The following SGCG variants were observed in gnomAD, a reference collection of about 807,000 sequenced individuals.
SGCG encodes sarcoglycan gamma.
Under a neutral mutation model 29.3 loss-of-function variants are expected in SGCG, and 26 were observed. That is an observed-to-expected ratio of 0.89 (90% confidence interval 0.65 to 1.23). SGCG has a LOEUF of 1.23. Among genes scored for constraint, SGCG ranks in the 50% most tolerant of loss-of-function variants. The pLI is 0.00. For missense variants in SGCG, 353 were observed against 356.0 expected (o/e 0.99, Z 0.07); for synonymous variants, 145 against 129.7 (o/e 1.12, Z -0.80).
chr13:23,194,422 A>G (rs1877403678), intron 1 of SGCG, among the ~76,000 whole-genome samples: 1 of 152,200 alleles, frequency 6.6e-6, no homozygotes, highest in African/African-American at 2.4e-5. Flanking sequence ...TATAAAATAA[A>G]TTAGACAGTG....
intron 2 of SGCG, among the ~76,000 whole-genome samples, chr13:23,210,228 T>C (rs1878138846): frequency 6.6e-6 from 1 of 152,218 alleles, no homozygotes; most frequent in South Asian, 2.1e-4. Flanking sequence ...AATGAAATTA[T>C]TTTTTCATTT....
intron 2 of SGCG, among the ~76,000 whole-genome samples, chr13:23,225,119 C>T (rs1212918002): frequency 6.6e-6 from 1 of 152,176 alleles, no homozygotes; most frequent in Non-Finnish European, 1.5e-5. Flanking sequence ...TCAGCACCTT[C>T]CACCACCTCA....
intron 4 of SGCG, among the ~76,000 whole-genome samples, chr13:23,269,851 G>T: frequency 7.1e-6 from 1 of 141,546 alleles, no homozygotes; most frequent in Non-Finnish European, 1.6e-5. Context: ...TTTTTTTTTG[G>T]TTTGCTTTTT....
chr13:23,290,262 G>A lies in SGCG; in HGVS notation c.506-5153G>A, dbSNP rs187707098. On this transcript the variant is annotated intron_variant, in intron 5 of 7. Transcript: ENST00000218867. ...AAGTGCATGTCATGTCAGCTATTGG[G>A]CATGTGAGTTAGCTACTGCTCAGAG... Among the ~76,000 whole-genome samples, 18 of 152,260 alleles carry A rather than the reference G, an allele frequency of 1.2e-4. No homozygotes were observed. The East Asian group carries it at 3.3e-3, about 28-fold the overall frequency.
rs1174403532 is a variant in SGCG at position 23,234,674 on chromosome 13, T to C, written c.259T>C (p.Leu87=). 3 of 1,612,380 alleles carry C rather than the reference T, an allele frequency of 1.9e-6. No homozygotes were observed. The highest frequency in any genetic ancestry group is 2.5e-6 in the Non-Finnish European group (3 of 1,178,550). The change falls in exon 3 of 8, where the codon TTA becomes CTA. Residue 87 remains leucine, a synonymous_variant. Coordinates refer to ENST00000218867, the MANE Select transcript of SGCG (RefSeq NM_000231.3). ...GLRLEGESEF[L]FPLYAKEIHS... ...GCGCTTGGAAGGGGAATCAGAATTT[T>C]TATTCCCATTGTATGCCAAAGAAAT...
At chr13:23,191,291 C>CT (rs397941582) in intron 1 of SGCG, among the ~76,000 whole-genome samples, 4 of 151,798 alleles carry the variant, frequency 2.6e-5, no homozygotes, top group Non-Finnish European at 5.9e-5. Flanking sequence ...ACCATCTTCC[C>CT]GAGAGCTTTA....
chr13:23,295,773 G>C (rs1159877085), intron 6 of SGCG, among the ~76,000 whole-genome samples: 1 of 152,164 alleles, frequency 6.6e-6, no homozygotes, highest in Non-Finnish European at 1.5e-5. Context: ...TTTGCTAAAT[G>C]CAAGCTGGTT....
chr13:23,217,120 T>A (rs1258420680), intron 2 of SGCG, among the ~76,000 whole-genome samples: 1 of 152,172 alleles, frequency 6.6e-6, no homozygotes, highest in African/African-American at 2.4e-5. Context: ...AGACTACTGT[T>A]CCAAATATTT....
the SGCG span, among the ~76,000 whole-genome samples, chr13:23,169,052 T>A: frequency 1.3e-5 from 2 of 151,278 alleles, no homozygotes; most frequent in East Asian, 1.9e-4. Context: ...TATATATATA[T>A]AAATATATTT....
At position 23,203,786 on chromosome 13, in the gene SGCG, G is replaced by A; in HGVS notation, c.92G>A (p.Trp31Ter). The A allele has an allele frequency of 1.9e-6, 3 of 1,613,822 alleles. No individual in the cohort carries two copies. The highest frequency in any genetic ancestry group is 2.2e-5 in the South Asian group (2 of 91,068). ...QYVYKIGIYG[W>*]RKRCLYLFVL... is the part of the protein sequence containing the mutation. ...GTCTACAAAATTGGCATTTATGGCT[G>A]GAGAAAGCGCTGTCTCTACTTGTTT... The change falls in exon 2 of 8, where the codon TGG becomes TAG. Residue 31 changes from tryptophan to a stop codon, truncating the protein, a stop_gained. Coordinates refer to ENST00000218867, the MANE Select transcript of SGCG (RefSeq NM_000231.3). LOFTEE classifies it high-confidence loss of function.
the SGCG span, among the ~76,000 whole-genome samples, chr13:23,173,913 T>C: frequency 6.6e-6 from 1 of 152,064 alleles, no homozygotes; most frequent in Non-Finnish European, 1.5e-5. Flanking sequence ...GAAATGAAAA[T>C]TAGGACAGAA....
the SGCG span, among the ~76,000 whole-genome samples, chr13:23,171,539 TA>T: frequency 9.9e-5 from 15 of 152,186 alleles, no homozygotes; most frequent in Non-Finnish European, 1.8e-4. Flanking sequence ...AAGGAGGCTA[TA>T]AGGCATCTGC....
intron 4 of SGCG, chr13:23,268,114 C>G (rs775263731): frequency 6.5e-6 from 1 of 153,380 alleles, no homozygotes; most frequent in Non-Finnish European, 1.5e-5. Flanking sequence ...GGAACCTAAT[C>G]TCCAGATTGG....
chr13:23,175,639 A>T, the SGCG span, among the ~76,000 whole-genome samples: 2 of 152,008 alleles, frequency 1.3e-5, no homozygotes, highest in Admixed American at 1.3e-4. Context: ...CTTACACCTA[A>T]TTTCTCCAGC....
intron 6 of SGCG, among the ~76,000 whole-genome samples, chr13:23,298,819 G>T (rs1882009439): frequency 6.6e-6 from 1 of 152,084 alleles, no homozygotes; most frequent in Non-Finnish European, 1.5e-5. Context: ...TGTATATACG[G>T]CAGGCTCTTA....
At chr13:23,206,919 C>G (rs1278614009) in intron 2 of SGCG, among the ~76,000 whole-genome samples, 2 of 152,128 alleles carry the variant, frequency 1.3e-5, no homozygotes, top group South Asian at 4.1e-4. Context: ...CAGTGCAATT[C>G]CCATCAAAAT....
Position 23,203,891 on chromosome 13 carries a change from T to C in SGCG, c.195+2T>C. 1 of 1,581,860 alleles carries C rather than the reference T, an allele frequency of 6.3e-7. No homozygotes were observed. The highest frequency in any genetic ancestry group is 8.7e-7 in the Non-Finnish European group (1 of 1,150,610). On this transcript the variant is annotated splice_donor_variant, in intron 2 of 7. Coordinates refer to ENST00000218867, the MANE Select transcript of SGCG (RefSeq NM_000231.3). LOFTEE classifies it high-confidence loss of function. ...CTTAAAGTGATGTGGTTTTCTCCAG[T>C]AAGTATCATTATTTTCTGGTAAGCA... is the stretch of plus-strand genomic sequence containing the variant.
chr13:23,164,579 A>G, the SGCG span, among the ~76,000 whole-genome samples: 1 of 152,204 alleles, frequency 6.6e-6, no homozygotes, highest in Admixed American at 6.5e-5. Context: ...GAAGCATGGC[A>G]CCAGCATCTG....
intron 5 of SGCG, 136 bp downstream of exon 5, chr13:23,279,614 A>G (rs1020403116): frequency 1.4e-5 from 12 of 835,364 alleles, no homozygotes; most frequent in Non-Finnish European, 2.1e-5. Flanking sequence ...TCTCCATTGC[A>G]TTTCTGTTGA....
Sources: gnomAD v4.1 joint callset for allele counts (sites outside exome capture counted in the v4.1 genomes callset) on GRCh38, gnomAD v4.1.1 for gene constraint, MANE v1.5 for transcripts, NCBI Gene and HGNC (gene_info 2026-07-23, HGNC 2026-07-21) for gene names.